The following KATNBL1 variants were observed in gnomAD, a reference collection of about 807,000 sequenced individuals.
KATNBL1 encodes KATNB1-like protein 1.
KATNBL1 carries 28 observed loss-of-function variants against 44.7 expected under a neutral mutation model. The observed-to-expected ratio is 0.63, with a 90% CI of 0.46 to 0.86. The LOEUF (loss-of-function observed/expected upper bound fraction) is 0.86. Ranked by LOEUF, KATNBL1 falls within the 40% of genes least tolerant of loss-of-function variation. The probability of loss-of-function intolerance (pLI) is 0.00; values close to 1 mark genes in which losing one functional copy is unlikely to be tolerated. For missense variants in KATNBL1, 272 were observed against 350.7 expected, an observed-to-expected ratio of 0.78 and a Z score of 1.79; for synonymous variants, 78 against 114.9, an observed-to-expected ratio of 0.68 and a Z score of 2.06.
intron 1 of KATNBL1, among the ~76,000 whole-genome samples, chr15:34,177,347 G>A (rs566499676): frequency 4.6e-5 from 7 of 152,204 alleles, no homozygotes; most frequent in African/African-American, 1.7e-4. Flanking sequence ...CCAAATCAAA[G>A]GATTAAACAG....
At position 34,163,645 on chromosome 15, in the gene KATNBL1, C is replaced by A; in HGVS notation, c.32G>T (p.Arg11Leu). 6.3e-7 allele frequency: 1 copy of A among 1,592,122 alleles called. No individual in the cohort carries two copies. Among genetic ancestry groups the A allele is most frequent in the Non-Finnish European group, 8.5e-7 (1 of 1,171,606 alleles). The change falls in exon 2 of 10, where the codon CGG becomes CTG. Residue 11 changes from arginine to leucine, a missense_variant. By Grantham distance (102) the Arg-to-Leu change is moderately radical (BLOSUM62 -2). This residue lies in a region of KATNBL1 where 122 missense variants were observed against 125.0 expected (regional missense o/e 0.98). Coordinates refer to ENST00000256544, the MANE Select transcript of KATNBL1 (RefSeq NM_024713.3). MASETHNVKK[R>L]NFCNKIEDHF... Reference sequence around the variant, plus strand: ...ATCCTCAATCTTATTACAAAAGTTCCGTTTTTTAACATTGTGGGTTTCTGA... The same window carrying A: ...ATCCTCAATCTTATTACAAAAGTTCAGTTTTTTAACATTGTGGGTTTCTGA...
intron 1 of KATNBL1, among the ~76,000 whole-genome samples, chr15:34,188,633 G>A (rs761666738): frequency 3.1e-4 from 47 of 152,168 alleles, no homozygotes; most frequent in Non-Finnish European, 6.9e-4. Flanking sequence ...ACAAAAAGCC[G>A]TACAAAATTA....
chr15:34,209,294 A>G (rs1444227195), intron 1 of KATNBL1: 2 of 152,218 alleles, frequency 1.3e-5, no homozygotes, highest in Non-Finnish European at 2.9e-5. Flanking sequence ...TTAAATCAGC[A>G]AAGAAACTGA....
chr15:34,194,329 C>T (rs1044971563), intron 1 of KATNBL1, among the ~76,000 whole-genome samples: 2 of 151,922 alleles, frequency 1.3e-5, no homozygotes, highest in African/African-American at 2.4e-5. Flanking sequence ...TGATTTAGGG[C>T]CAGGTGCAGT....
In KATNBL1 at chr15:34,147,289, A is replaced by G. The variant is rs1888338283; in HGVS notation, c.609T>C (p.Cys203=). The G allele has an allele frequency of 1.2e-6, 2 of 1,608,960 alleles. No individual in the cohort carries two copies. The highest frequency in any genetic ancestry group is 1.7e-6 in the Non-Finnish European group (2 of 1,175,680). Residue 203 remains cysteine (C), a splice_region_variant and synonymous_variant, in exon 7 of 10, where the codon TGT becomes TGC. Coordinates refer to ENST00000256544, the MANE Select transcript of KATNBL1 (RefSeq NM_024713.3). ...AGATATATTGTTTTTCTTCCTGTAA[A>G]CTAAAATAAATACCAAGTTATAAAA... ...VVDCLPVLTN[C]LQEEKQYISL... is the part of the protein sequence containing the mutation.
chr15:34,182,217 G>GT (rs748332089), intron 1 of KATNBL1, among the ~76,000 whole-genome samples: 1 of 151,988 alleles, frequency 6.6e-6, no homozygotes, highest in Non-Finnish European at 1.5e-5. Context: ...AGATGATACA[G>GT]TTTTCATCAC....
chr15:34,173,768 G>C (rs55801303), intron 1 of KATNBL1, among the ~76,000 whole-genome samples: 18,467 of 152,074 alleles, frequency 0.12, 1,230 homozygotes, highest in Non-Finnish European at 0.15. Context: ...GGAGACAACT[G>C]GGGAATAGTT....
Position 34,154,638 on chromosome 15 carries a change from T to A in KATNBL1, c.158+6A>T, listed in dbSNP as rs186838469. ...TGTTCCCCACAAACTTTAAAGAAAC[T>A]CTTACCTATTTATGTAAGCAGCCAA... is the stretch of plus-strand genomic sequence containing the variant. On this transcript the variant is annotated splice_donor_region_variant and intron_variant, in intron 3 of 9. Transcript: ENST00000256544. The A allele has an allele frequency of 8.8e-4, 1,373 of 1,555,826 alleles. 3 individuals are homozygous for A. The highest frequency in any genetic ancestry group is 1.1e-3 in the Non-Finnish European group (1,266 of 1,127,130).
chr15:34,164,413 TGA>T (rs1250528203), intron 1 of KATNBL1, among the ~76,000 whole-genome samples: 2 of 152,024 alleles, frequency 1.3e-5, no homozygotes, highest in Non-Finnish European at 2.9e-5. Context: ...CCCTAAGCAA[TGA>T]GAGGAACCAA....
rs572925137 is a variant in KATNBL1 at position 34,201,953 on chromosome 15, A to G, written c.-15+7998T>C. Among the ~76,000 whole-genome samples, 257 of 152,340 alleles carry G rather than the reference A, an allele frequency of 1.7e-3. 2 individuals are homozygous for G. In the South Asian group the frequency reaches 0.021, roughly 13 times the overall value. On this transcript the variant is annotated intron_variant, in intron 1 of 9. Transcript: ENST00000256544. Reference sequence around the variant, plus strand: ...CATTTACATTGTACTAGATATTACAAATAATTTAGAAATTATTTAAGGTGT... The same window carrying G: ...CATTTACATTGTACTAGATATTACAGATAATTTAGAAATTATTTAAGGTGT...
Position 34,162,382 on chromosome 15 carries a change from C to T in KATNBL1, c.117+1178G>A, listed in dbSNP as rs1440640104. 2.0e-5 allele frequency among the ~76,000 whole-genome samples: 3 copies of T among 152,102 alleles called. No individual in the cohort carries two copies. The East Asian group carries it at 5.8e-4, about 29-fold the overall frequency. ...TCTGCTGCCACGTATGTAAAATGTG[C>T]CTTTTGCCTTCCGACATGATTGTGA... On this transcript the variant is annotated intron_variant, in intron 2 of 9. Transcript: ENST00000256544.
At chr15:34,193,870 A>AAAAAAAAC (rs1889959198) in intron 1 of KATNBL1, among the ~76,000 whole-genome samples, 1 of 150,592 alleles carries the variant, frequency 6.6e-6, no homozygotes, top group Non-Finnish European at 1.5e-5. Context: ...AAAAAAAAAA[A>AAAAAAAAC]AAAAAAAAAA....
In KATNBL1 at chr15:34,141,201, A is replaced by T. The variant is rs961319690; in HGVS notation, c.*1138T>A. 3.5e-4 allele frequency: 54 copies of T among 152,572 alleles called. No individual in the cohort carries two copies. The highest frequency in any genetic ancestry group is 1.2e-3 in the African/African-American group (49 of 41,444). The allele number at this position is 152,572 out of a possible 1,614,324, so 9.5% of individuals were successfully genotyped here. On this transcript the variant is annotated 3_prime_UTR_variant, in exon 10 of 10. Transcript: ENST00000256544. ...TCACTGACACTAAAAGTGGTATTTT[A>T]AAAAAAGACCTCATACAGTCTGCTA...
rs763286390 is a variant in KATNBL1, at chr15:34,145,406, T to C, written c.874A>G (p.Ile292Val). 1.4e-6 allele frequency: 2 copies of C among 1,455,226 alleles called. No homozygotes were observed. Among genetic ancestry groups the C allele is most frequent in the South Asian group, 3.3e-5 (2 of 61,284 alleles). 90.1% of individuals were successfully genotyped at this position (1,455,226 alleles called of 1,614,324 possible). ...GCTTAAATATAGATTACCTTAGCTATATTACCAGTATATCCTGGAACCAAA... is the reference window on the plus strand; with the variant it reads ...GCTTAAATATAGATTACCTTAGCTACATTACCAGTATATCCTGGAACCAAA... ...LTLVPGYTGN[I>V]AKDVDAYLLQ... Residue 292 changes from isoleucine to valine, a missense_variant, in exon 9 of 10, where the codon ATA becomes GTA. Ile to Val is a conservative substitution (Grantham distance 29). Transcript: ENST00000256544.
chr15:34,196,860 C>T (rs1890042523), intron 1 of KATNBL1, among the ~76,000 whole-genome samples: 1 of 151,952 alleles, frequency 6.6e-6, no homozygotes, highest in African/African-American at 2.4e-5. Flanking sequence ...TACAGTTTTA[C>T]TTCATTTATG....
intron 1 of KATNBL1, among the ~76,000 whole-genome samples, chr15:34,169,175 A>C (rs1162179291): frequency 6.6e-6 from 1 of 152,220 alleles, no homozygotes; most frequent in East Asian, 1.9e-4. Context: ...AAGATCAGCA[A>C]AATTGATAGA....
chr15:34,152,807 T>C lies in KATNBL1; in HGVS notation c.421A>G (p.Ser141Gly), dbSNP rs1567518658. ...SQTESPSSKYSGFFSEVSQDH... is the reference protein window; with the variant it reads ...SQTESPSSKYGGFFSEVSQDH... Reference sequence around the variant, plus strand: ...AGACTTACCTCAGAAAAAAACCCACTATATTTTGATGATGGGCTTTCTGTC... The same window carrying C: ...AGACTTACCTCAGAAAAAAACCCACCATATTTTGATGATGGGCTTTCTGTC... The change falls in exon 4 of 10, where the codon AGT becomes GGT. Residue 141 changes from serine to glycine, a missense_variant. By Grantham distance (56) the Ser-to-Gly change is moderately conservative (BLOSUM62 0). Coordinates refer to ENST00000256544, the MANE Select transcript of KATNBL1 (RefSeq NM_024713.3). 1.2e-6 allele frequency: 2 copies of C among 1,611,346 alleles called. No individual in the cohort carries two copies. Among genetic ancestry groups the C allele is most frequent in the East Asian group, 2.2e-5 (1 of 44,836 alleles).
intron 1 of KATNBL1, among the ~76,000 whole-genome samples, chr15:34,184,590 T>TTTTTTTTTTTTC (rs1597454290): frequency 7.0e-6 from 1 of 143,106 alleles, no homozygotes; most frequent in Non-Finnish European, 1.5e-5. Flanking sequence ...TTTTTTTTTT[T>TTTTTTTTTTTTC]GAGACAGAGT....
intron 2 of KATNBL1, among the ~76,000 whole-genome samples, chr15:34,159,682 T>C (rs1305825946): frequency 6.6e-6 from 1 of 152,194 alleles, no homozygotes; most frequent in Non-Finnish European, 1.5e-5. Context: ...AATGTGTTCT[T>C]TGTCTGTGGT....
Sources: gnomAD v4.1 joint callset for allele counts (sites outside exome capture counted in the v4.1 genomes callset) on GRCh38, gnomAD v4.1.1 for gene constraint, gnomAD v4.1.1 regional missense constraint, MANE v1.5 for transcripts, NCBI Gene and HGNC (gene_info 2026-07-23, HGNC 2026-07-21) for gene names.